Variants in GLIS3 observed in about 807,000 individuals in gnomAD.
The protein encoded by GLIS3 is GLIS family zinc finger 3, also known as zinc finger protein GLIS3.
A neutral mutation model predicts 78.6 loss-of-function variants in GLIS3; 53 were observed. That is an observed-to-expected ratio of 0.67 (90% CI 0.54 to 0.85). The LOEUF (loss-of-function observed/expected upper bound fraction) is 0.85, where lower values mean the gene tolerates loss of function less well. GLIS3 is among the 40% of genes least tolerant of loss of function. GLIS3 has a pLI of 0.00. For missense variants in GLIS3, 1,703 were observed against 1,231.1 expected (o/e 1.38, Z -5.74); for synonymous variants, 684 against 509.9 (o/e 1.34, Z -4.60).
intron 4 of GLIS3, among the ~76,000 whole-genome samples, chr9:4,003,602 T>A (rs182632789): frequency 5.3e-5 from 8 of 152,350 alleles, no homozygotes; most frequent in African/African-American, 1.9e-4. Context: ...TCTTGCTCAA[T>A]GTTTTGAGTG....
chr9:4,188,933 C>G (rs1818064483), intron 2 of GLIS3, among the ~76,000 whole-genome samples: 1 of 151,890 alleles, frequency 6.6e-6, no homozygotes, highest in Non-Finnish European at 1.5e-5. Context: ...TTTGTTGATC[C>G]TTTCAACAAA....
chr9:4,298,439 T>G, intron 1 of GLIS3: 1 of 451,840 alleles, frequency 2.2e-6, no homozygotes, highest in Non-Finnish European at 4.4e-6. Flanking sequence ...TTCCAGACAC[T>G]TGAGTGACTT....
chr9:4,199,538 G>C (rs1021583774), intron 2 of GLIS3, among the ~76,000 whole-genome samples: 6 of 149,330 alleles, frequency 4.0e-5, no homozygotes, highest in African/African-American at 1.5e-4. Context: ...TTTCCAACAA[G>C]AGCAAAACAG....
At chr9:3,991,527 C>A (rs553069713) in intron 4 of GLIS3, among the ~76,000 whole-genome samples, 1 of 152,062 alleles carries the variant, frequency 6.6e-6, no homozygotes, top group Non-Finnish European at 1.5e-5. Flanking sequence ...GGAGTCTTAA[C>A]TTCCTATATC....
rs562512520 is a variant in GLIS3, at chr9:3,993,649, T to A, written c.1711-56460A>T. Among the ~76,000 whole-genome samples the A allele has an allele frequency of 9.2e-5, 14 of 152,294 alleles. 1 individual carries two copies. The highest frequency in any genetic ancestry group is 3.4e-4 in the African/African-American group (14 of 41,572). On this transcript the variant is annotated intron_variant, in intron 4 of 10. Coordinates refer to ENST00000381971, the MANE Select transcript of GLIS3 (RefSeq NM_001042413.2). The stretch of plus-strand genomic sequence containing the variant: ...CTACATATGCCATCATAAGCATATT[T>A]GTTTGTATATATCAACATTCATTTA...
chr9:4,373,975 A>G, the GLIS3 span, among the ~76,000 whole-genome samples: 467 of 152,150 alleles, frequency 3.1e-3, 3 homozygotes, highest in African/African-American at 0.01. Context: ...CGAAAATGTA[A>G]TTTTCAAACT....
chr9:4,205,820 A>G (rs1315894545), intron 2 of GLIS3, among the ~76,000 whole-genome samples: 3 of 152,260 alleles, frequency 2.0e-5, no homozygotes, highest in Non-Finnish European at 2.9e-5. Context: ...AGTGACCTCA[A>G]TGAAAGCAGT....
chr9:4,319,334 G>A (rs539547373), intron 2 of GLIS3, among the ~76,000 whole-genome samples: 1 of 152,084 alleles, frequency 6.6e-6, no homozygotes, highest in African/African-American at 2.4e-5. Context: ...GATCCAGATG[G>A]GGGAGCAGGA....
chr9:4,383,819 A>C, the GLIS3 span, among the ~76,000 whole-genome samples: 11 of 152,356 alleles, frequency 7.2e-5, no homozygotes, highest in Admixed American at 6.5e-4. Flanking sequence ...TCAGAAGTTT[A>C]CATTTTAATT....
At chr9:4,396,244 C>G in the GLIS3 span, among the ~76,000 whole-genome samples, 1 of 152,108 alleles carries the variant, frequency 6.6e-6, no homozygotes, top group East Asian at 1.9e-4. Flanking sequence ...TCCCAAGTAG[C>G]TGGGATTACA....
intron 2 of GLIS3, among the ~76,000 whole-genome samples, chr9:4,141,012 C>A (rs1467364500): frequency 2.0e-5 from 3 of 152,142 alleles, no homozygotes; most frequent in Non-Finnish European, 4.4e-5. Context: ...GTTGGACAGG[C>A]TGGTCTCGAA....
intron 2 of GLIS3, among the ~76,000 whole-genome samples, chr9:4,335,271 A>G (rs1369563326): frequency 2.0e-5 from 3 of 152,198 alleles, no homozygotes; most frequent in African/African-American, 7.2e-5. Flanking sequence ...GAAGCATAAG[A>G]AATAACTCCA....
the GLIS3 span, among the ~76,000 whole-genome samples, chr9:4,441,447 A>G: frequency 1.3e-5 from 2 of 152,178 alleles, no homozygotes; most frequent in African/African-American, 2.4e-5. Context: ...ATTGATTTGC[A>G]TATATTGAAC....
At chr9:4,481,939 T>C in the GLIS3 span, among the ~76,000 whole-genome samples, 3 of 152,248 alleles carry the variant, frequency 2.0e-5, no homozygotes, top group Non-Finnish European at 4.4e-5. Context: ...AAAGTATAAA[T>C]TTTGCAATTG....
chr9:4,157,915 TC>T (rs894518038), intron 2 of GLIS3, among the ~76,000 whole-genome samples: 17 of 152,322 alleles, frequency 1.1e-4, no homozygotes, highest in African/African-American at 4.1e-4. Flanking sequence ...AATTTTATCC[TC>T]AAAAAACCTT....
At chr9:3,866,248 T>C (rs1820573077) in intron 8 of GLIS3, among the ~76,000 whole-genome samples, 1 of 152,106 alleles carries the variant, frequency 6.6e-6, no homozygotes. Context: ...GGGGCCCCTG[T>C]AGTGTAATAG....
chr9:4,467,319 G>A, the GLIS3 span, among the ~76,000 whole-genome samples: 5 of 152,290 alleles, frequency 3.3e-5, no homozygotes, highest in Non-Finnish European at 7.4e-5. Flanking sequence ...ATCTGAGAAC[G>A]GACAGACTGC....
chr9:4,489,614 T>C, the GLIS3 span, among the ~76,000 whole-genome samples: 2 of 152,136 alleles, frequency 1.3e-5, no homozygotes, highest in Non-Finnish European at 2.9e-5. Flanking sequence ...CCAAATATAT[T>C]TGGCACCACT....
At chr9:3,867,082 C>A (rs1395299657) in intron 8 of GLIS3, among the ~76,000 whole-genome samples, 1 of 152,146 alleles carries the variant, frequency 6.6e-6, no homozygotes, top group African/African-American at 2.4e-5. Flanking sequence ...TGAGTTGACT[C>A]CTAGGCTTTT....
Sources: allele counts gnomAD v4.1 joint callset (sites outside exome capture counted in the v4.1 genomes callset), GRCh38; gene constraint gnomAD v4.1.1; transcripts MANE v1.5; gene names NCBI Gene and HGNC (gene_info 2026-07-23, HGNC 2026-07-21).